Variants in LRP1B observed in about 807,000 individuals in gnomAD.
The protein encoded by LRP1B is low-density lipoprotein receptor-related protein 1B.
In LRP1B, 217 loss-of-function variants were observed where a neutral mutation model predicts 556.6. The observed-to-expected ratio is 0.39, with a 90% CI of 0.35 to 0.44. LRP1B has a LOEUF of 0.44. LRP1B is among the 20% of genes least tolerant of loss of function. LRP1B has a pLI of 1.00. For synonymous variants in LRP1B, 2,047 were observed against 1,865.8 expected, an observed-to-expected ratio of 1.10 and a Z score of -2.50; for missense variants, 5,053 against 5,620.8, an observed-to-expected ratio of 0.90 and a Z score of 3.23.
At chr2:141,993,073 A>G (rs1702391085) in intron 1 of LRP1B, among the ~76,000 whole-genome samples, 1 of 152,114 alleles carries the variant, frequency 6.6e-6, no homozygotes, top group East Asian at 1.9e-4. Context: ...AATCCATGGT[A>G]AAAAACCAAG....
intron 27 of LRP1B, among the ~76,000 whole-genome samples, chr2:140,853,424 T>G (rs1692520718): frequency 6.6e-6 from 1 of 152,166 alleles, no homozygotes; most frequent in African/African-American, 2.4e-5. Flanking sequence ...GTTTGTGTAC[T>G]TTTTTGGGTA....
At chr2:141,356,331 G>C (rs1688625258) in intron 3 of LRP1B, among the ~76,000 whole-genome samples, 3 of 152,114 alleles carry the variant, frequency 2.0e-5, no homozygotes, top group African/African-American at 7.2e-5. Context: ...TCTGCTATAA[G>C]AAAGGTTGGG....
chr2:141,274,028 G>A (rs767753902), intron 3 of LRP1B, among the ~76,000 whole-genome samples: 1 of 152,276 alleles, frequency 6.6e-6, no homozygotes, highest in Non-Finnish European at 1.5e-5. Flanking sequence ...CCTCACACCT[G>A]TTAGGGTGGT....
chr2:140,257,611 T>TA (rs775761507), intron 86 of LRP1B, among the ~76,000 whole-genome samples: 19 of 152,164 alleles, frequency 1.2e-4, no homozygotes, highest in Non-Finnish European at 2.4e-4. Flanking sequence ...AAAGCTAAAG[T>TA]AACCTACGAC....
chr2:140,306,968 T>C (rs774391268), intron 83 of LRP1B, among the ~76,000 whole-genome samples: 3 of 152,052 alleles, frequency 2.0e-5, no homozygotes, highest in Non-Finnish European at 2.9e-5. Flanking sequence ...ATATTTTATT[T>C]AAATATTGTA....
chr2:141,609,034 A>G (rs1404257138), intron 2 of LRP1B, among the ~76,000 whole-genome samples: 1 of 152,186 alleles, frequency 6.6e-6, no homozygotes, highest in Non-Finnish European at 1.5e-5. Context: ...TGTGCTACTC[A>G]CAATGTAGCA....
chr2:141,532,924 T>C (rs1033280503), intron 2 of LRP1B, among the ~76,000 whole-genome samples: 1 of 152,104 alleles, frequency 6.6e-6, no homozygotes, highest in African/African-American at 2.4e-5. Flanking sequence ...AGGCAGAGGT[T>C]GCAGTGAGCT....
chr2:140,445,751 A>G (rs1418386415), intron 63 of LRP1B, among the ~76,000 whole-genome samples: 1 of 152,112 alleles, frequency 6.6e-6, no homozygotes, highest in Non-Finnish European at 1.5e-5. Context: ...GCAAGAGTAA[A>G]CTAAATTTAC....
At chr2:141,329,643 C>CAAAAAAAAAAAA (rs71391650) in intron 3 of LRP1B, among the ~76,000 whole-genome samples, 2 of 28,974 alleles carry the variant, frequency 6.9e-5, no homozygotes, top group Non-Finnish European at 1.4e-4. Context: ...GACTCTGTCT[C>CAAAAAAAAAAAA]AAAAAAAAAA....
chr2:142,115,191 T>G (rs1315802512), intron 1 of LRP1B, among the ~76,000 whole-genome samples: 1 of 151,560 alleles, frequency 6.6e-6, no homozygotes, highest in African/African-American at 2.4e-5. Flanking sequence ...TCTGTAAAAT[T>G]TCAACATCCT....
At chr2:140,595,246 T>G (rs369264263) in intron 43 of LRP1B, among the ~76,000 whole-genome samples, 1 of 151,504 alleles carries the variant, frequency 6.6e-6, no homozygotes, top group Non-Finnish European at 1.5e-5. Context: ...TTTCATTTCA[T>G]GTAGTAAGTG....
intron 3 of LRP1B, among the ~76,000 whole-genome samples, chr2:141,338,312 A>G (rs1392468674): frequency 6.6e-6 from 1 of 152,178 alleles, no homozygotes; most frequent in East Asian, 1.9e-4. Flanking sequence ...GAAAAGAGGA[A>G]GCAGAAGAAA....
rs1553543025 is a variant in LRP1B, at chr2:141,614,080, C to CAGAAAAAAAAAAAAAAAAAAA, written c.206-133548_206-133547insTTTTTTTTTTTTTTTTTTTCT. ...GGGCGATAAGAGCAAAACTCAGCCT[C>CAGAAAAAAAAAAAAAAAAAAA]AAAAAAAAAAAAAAAAAAAAAGAAA... On this transcript the variant is annotated intron_variant, in intron 2 of 90. Coordinates refer to ENST00000389484, the MANE Select transcript of LRP1B (RefSeq NM_018557.3). 7.2e-4 allele frequency among the ~76,000 whole-genome samples: 34 copies of CAGAAAAAAAAAAAAAAAAAAA among 47,352 alleles called. 1 individual carries two copies. The highest frequency in any genetic ancestry group is 4.4e-3 in the East Asian group (7 of 1,582). The allele number at this position is 47,352 out of a possible 152,430, so 31.1% of individuals were successfully genotyped here.
At chr2:140,333,138 A>C (rs563544693) in intron 79 of LRP1B, among the ~76,000 whole-genome samples, 3 of 152,056 alleles carry the variant, frequency 2.0e-5, no homozygotes, top group Admixed American at 2.0e-4. Flanking sequence ...TTCCTTACTC[A>C]GAACGTACTA....
intron 2 of LRP1B, among the ~76,000 whole-genome samples, chr2:141,629,860 G>A (rs1374900351): frequency 5.3e-5 from 8 of 151,926 alleles, no homozygotes; most frequent in African/African-American, 1.9e-4. Flanking sequence ...GCAGAGAATA[G>A]ATACCCAGCC....
chr2:140,742,000 T>A (rs569741287), intron 35 of LRP1B, among the ~76,000 whole-genome samples: 1 of 152,326 alleles, frequency 6.6e-6, no homozygotes, highest in East Asian at 1.9e-4. Flanking sequence ...ACTATCTTAC[T>A]TAATCCGTTC....
At chr2:141,671,730 A>G (rs1385088653) in intron 2 of LRP1B, among the ~76,000 whole-genome samples, 1 of 152,172 alleles carries the variant, frequency 6.6e-6, no homozygotes, top group Non-Finnish European at 1.5e-5. Flanking sequence ...CCTATCATCT[A>G]GTACATTATC....
At chr2:140,828,475 A>G (rs1323588998) in intron 31 of LRP1B, among the ~76,000 whole-genome samples, 4 of 148,480 alleles carry the variant, frequency 2.7e-5, no homozygotes, top group Non-Finnish European at 5.9e-5. Context: ...CGGGCGTGGT[A>G]GCGGGCGCCT....
At chr2:140,360,997 TTTATC>T (rs1324318098) in intron 72 of LRP1B, among the ~76,000 whole-genome samples, 1 of 151,390 alleles carries the variant, frequency 6.6e-6, no homozygotes, top group Non-Finnish European at 1.5e-5. Context: ...ACTCTTCAGC[TTTATC>T]TTAATTCTAG....
Sources: allele counts gnomAD v4.1 joint callset (sites outside exome capture counted in the v4.1 genomes callset), GRCh38; gene constraint gnomAD v4.1.1; transcripts MANE v1.5; gene names NCBI Gene and HGNC (gene_info 2026-07-23, HGNC 2026-07-21).